Variants in POLA1 observed in about 807,000 individuals in gnomAD.
POLA1 encodes the protein DNA polymerase alpha catalytic subunit.
In POLA1, 15 loss-of-function variants were observed where a neutral mutation model predicts 124.0. The ratio of observed to expected loss-of-function variants is 0.12; its 90% CI spans 0.08 to 0.19. The LOEUF is 0.19. POLA1 is among the 10% of genes least tolerant of loss of function. POLA1 has a pLI of 1.00. For synonymous variants in POLA1, 408 were observed against 389.4 expected (o/e 1.05, Z -0.56); for missense variants, 886 against 1,103.4 (o/e 0.80, Z 2.79).
chrX:24,717,567 G>T lies in POLA1; in HGVS notation c.909-13G>T, dbSNP rs780533538. ...TGGATTTTGAAAGGTTTTTGAAAAT[G>T]TGATTTCTGCAGAGGAAGTTTTCTC... is the stretch of plus-strand genomic sequence containing the variant. On this transcript the variant is annotated splice_polypyrimidine_tract_variant and intron_variant, in intron 9 of 36. Transcript: ENST00000379068. 5.8e-6 allele frequency: 7 copies of T among 1,205,246 alleles called. No homozygotes were observed. The East Asian group carries it at 2.1e-4, about 36-fold the overall frequency.
intron 36 of POLA1, among the ~76,000 whole-genome samples, chrX:24,966,878 A>G (rs1270458400): frequency 8.9e-6 from 1 of 112,682 alleles, no homozygotes; most frequent in Non-Finnish European, 1.9e-5. Context: ...AACAGTTTGT[A>G]TATTTTGGAA....
At chrX:24,823,054 C>T (rs182843836) in intron 31 of POLA1, among the ~76,000 whole-genome samples, 30 of 111,852 alleles carry the variant, frequency 2.7e-4, no homozygotes, top group African/African-American at 9.7e-4. Flanking sequence ...GTTAAGGTTC[C>T]TTTTTCTCAG....
At chrX:24,920,736 A>T (rs748953494) in intron 35 of POLA1, among the ~76,000 whole-genome samples, 1 of 111,894 alleles carries the variant, frequency 8.9e-6, no homozygotes, top group African/African-American at 3.2e-5. Context: ...CATGTTGAGG[A>T]TCAAATGGGA....
chrX:24,982,815 G>C (rs1275808887), intron 36 of POLA1, among the ~76,000 whole-genome samples: 7 of 110,715 alleles, frequency 6.3e-5, no homozygotes, highest in Non-Finnish European at 1.3e-4. Flanking sequence ...GATGGCAGCT[G>C]TATACGTTGT....
Position 24,879,180 on chromosome X carries a change from A to T in POLA1, c.4048-8826A>T, listed in dbSNP as rs148779733. 2.9e-3 allele frequency among the ~76,000 whole-genome samples: 319 copies of T among 111,552 alleles called. 7 individuals are homozygous for T. Among genetic ancestry groups the T allele is most frequent in the Admixed American group, 0.027 (279 of 10,486 alleles). ...GCAGGAATGGCGTTGGAAGTAATGAACAATTTTTCTTAGAGGTTTCATCAC... is the reference window on the plus strand; with the variant it reads ...GCAGGAATGGCGTTGGAAGTAATGATCAATTTTTCTTAGAGGTTTCATCAC... On this transcript the variant is annotated intron_variant, in intron 34 of 36. Coordinates refer to ENST00000379068, the MANE Select transcript of POLA1 (RefSeq NM_001330360.2).
intron 34 of POLA1, among the ~76,000 whole-genome samples, chrX:24,861,636 G>A (rs2046717144): frequency 8.9e-6 from 1 of 112,451 alleles, no homozygotes; most frequent in Admixed American, 9.4e-5. Context: ...GAAAAGATGG[G>A]CTATTTGGAA....
At chrX:24,918,068 C>A (rs977962101) in intron 35 of POLA1, among the ~76,000 whole-genome samples, 1 of 110,167 alleles carries the variant, frequency 9.1e-6, no homozygotes, top group South Asian at 3.9e-4. Flanking sequence ...TATCTATTAT[C>A]ATTATACCTG....
At chrX:24,794,210 C>T (rs1009705896) in intron 26 of POLA1, among the ~76,000 whole-genome samples, 1 of 111,635 alleles carries the variant, frequency 9.0e-6, no homozygotes, top group African/African-American at 3.3e-5. Context: ...AATTCCTGAC[C>T]TCAAGTGATT....
intron 26 of POLA1, among the ~76,000 whole-genome samples, chrX:24,755,551 T>C (rs916193422): frequency 1.8e-5 from 2 of 112,114 alleles, no homozygotes; most frequent in Non-Finnish European, 3.8e-5. Context: ...GTATGTCTCT[T>C]AGTATTCTTA....
In POLA1 at chrX:24,711,129, C is replaced by CG. The variant is rs1332874009; in HGVS notation, c.347-3425_347-3424insG. 2.3e-4 allele frequency among the ~76,000 whole-genome samples: 26 copies of CG among 111,138 alleles called. No individual in the cohort carries two copies. The East Asian group carries it at 5.1e-3, about 22-fold the overall frequency. On this transcript the variant is annotated intron_variant, in intron 4 of 36. Coordinates refer to ENST00000379068, the MANE Select transcript of POLA1 (RefSeq NM_001330360.2). ...TCCCGAGTAGCCAGGACTACAGGCA[C>CG]ATCCTGCCACGCTCGGCTAATTTTT... is the stretch of plus-strand genomic sequence containing the variant.
intron 36 of POLA1, among the ~76,000 whole-genome samples, chrX:24,941,224 A>G (rs752351586): frequency 2.8e-5 from 3 of 108,911 alleles, no homozygotes; most frequent in African/African-American, 1.0e-4. Flanking sequence ...TTTTATTTTT[A>G]TTTTTTTTTA....
intron 11 of POLA1, among the ~76,000 whole-genome samples, chrX:24,724,123 G>GT (rs1439137973): frequency 8.9e-6 from 1 of 112,308 alleles, no homozygotes. Context: ...TCGCTGATTT[G>GT]TTTTTTATGA....
intron 16 of POLA1, among the ~76,000 whole-genome samples, 163 bp downstream of exon 16, chrX:24,732,617 A>G (rs1305635978): frequency 1.4e-5 from 1 of 73,058 alleles, no homozygotes; most frequent in Non-Finnish European, 2.7e-5. Flanking sequence ...TTTTTTTGCC[A>G]TGGAAACTAA....
intron 26 of POLA1, among the ~76,000 whole-genome samples, chrX:24,761,280 T>A (rs1233819921): frequency 8.9e-6 from 1 of 112,218 alleles, no homozygotes; most frequent in Non-Finnish European, 1.9e-5. Flanking sequence ...TTTATTTTTT[T>A]ATTTATTTTG....
chrX:24,780,432 TCTTGTATGTC>T (rs1023758054), intron 26 of POLA1, among the ~76,000 whole-genome samples: 1 of 112,883 alleles, frequency 8.9e-6, no homozygotes, highest in Admixed American at 9.4e-5. Flanking sequence ...TGAAGATTTT[TCTTGTATGTC>T]CTTTTTCAAA....
At chrX:24,880,292 C>A (rs1039474917) in intron 34 of POLA1, among the ~76,000 whole-genome samples, 14 of 111,928 alleles carry the variant, frequency 1.3e-4, no homozygotes, top group Non-Finnish European at 2.4e-4. Context: ...TATGACTGTT[C>A]ATTTAAAGAG....
At chrX:24,808,218 C>G (rs1436859427) in intron 26 of POLA1, among the ~76,000 whole-genome samples, 1 of 111,912 alleles carries the variant, frequency 8.9e-6, no homozygotes, top group Non-Finnish European at 1.9e-5. Flanking sequence ...TTAGCTTGCA[C>G]CCTAGGCATG....
intron 36 of POLA1, among the ~76,000 whole-genome samples, chrX:24,933,738 T>C (rs2047812655): frequency 8.9e-6 from 1 of 112,557 alleles, no homozygotes; most frequent in Non-Finnish European, 1.9e-5. Context: ...CATGTACAAA[T>C]TATTTGAAAG....
At chrX:24,757,224 G>A (rs182029559) in intron 26 of POLA1, among the ~76,000 whole-genome samples, 1,115 of 110,436 alleles carry the variant, frequency 0.01, 8 homozygotes, top group Non-Finnish European at 0.015. Context: ...TAAATTCCCG[G>A]CAGTTCTTCA....
Sources: allele counts gnomAD v4.1 joint callset (sites outside exome capture counted in the v4.1 genomes callset), GRCh38; gene constraint gnomAD v4.1.1; transcripts MANE v1.5; gene names NCBI Gene and HGNC (gene_info 2026-07-23, HGNC 2026-07-21).